The following CHTF18 variants were observed in gnomAD, a reference collection of about 807,000 sequenced individuals.
CHTF18 encodes the protein chromosome transmission fidelity protein 18 homolog.
CHTF18 carries 151 observed loss-of-function variants against 113.4 expected under a neutral mutation model. The ratio of observed to expected loss-of-function variants is 1.33; its 90% CI spans 1.17 to 1.52. The LOEUF is 1.52. Ranked by LOEUF, CHTF18 falls within the 40% of genes most tolerant of loss-of-function variation. The pLI is 0.00. For synonymous variants in CHTF18, 916 were observed against 598.8 expected (o/e 1.53, Z -7.74); for missense variants, 1,982 against 1,381.6 (o/e 1.43, Z -6.89).
In CHTF18 at chr16:789,036, C is replaced by A; in HGVS notation, c.197C>A (p.Ala66Asp). 1 of 1,538,396 alleles carries A rather than the reference C, an allele frequency of 6.5e-7. No homozygotes were observed. Residue 66 changes from alanine to aspartate, a missense_variant, in exon 2 of 22, where the codon GCC becomes GAC. Transcript: ENST00000262315. ...AGAGGGGACGCGGCCTCCAGTCCCGCCCCAGCCGCATCTGTGGGCAGCAGC... is the reference window on the plus strand; with the variant it reads ...AGAGGGGACGCGGCCTCCAGTCCCGACCCAGCCGCATCTGTGGGCAGCAGC... Reference protein sequence around the residue: ...LARGDAASSPAPAASVGSSQG... With the variant: ...LARGDAASSPDPAASVGSSQG...
At chr16:796,578 T>G (rs1596772599) in intron 18 of CHTF18, 139 bp from the exon 19 acceptor site, 1 of 1,005,262 alleles carries the variant, frequency 9.9e-7, no homozygotes, top group Admixed American at 3.2e-5. Context: ...AGGGTTGGGG[T>G]GCGGTGGCAC....
rs768683722 is a variant in CHTF18, at chr16:792,217, A to G, written c.1203-7A>G. On this transcript the variant is annotated splice_region_variant and splice_polypyrimidine_tract_variant and intron_variant, in intron 9 of 21. Transcript: ENST00000262315. ...TGCCCTGACGACCCCTGACCTCCCCATTGCAGTGACGACCGTAGCCCGGAG... is the reference window on the plus strand; with the variant it reads ...TGCCCTGACGACCCCTGACCTCCCCGTTGCAGTGACGACCGTAGCCCGGAG... The G allele has an allele frequency of 4.5e-6, 7 of 1,571,340 alleles. No homozygotes were observed. Among genetic ancestry groups the G allele is most frequent in the Non-Finnish European group, 3.5e-6 (4 of 1,159,244 alleles).
intron 8 of CHTF18, 48 bp downstream of exon 8, chr16:791,418 C>T (rs751328531): frequency 1.3e-6 from 2 of 1,532,176 alleles, no homozygotes; most frequent in Non-Finnish European, 1.8e-6. Flanking sequence ...AGGCTTTGCA[C>T]TCGGCGCCGG....
chr16:795,102 A>G (rs1234504536), intron 15 of CHTF18, 30 bp from the exon 16 acceptor site: 2 of 1,510,396 alleles, frequency 1.3e-6, no homozygotes, highest in Middle Eastern at 2.3e-4. Flanking sequence ...TGGGGTGGGC[A>G]GGAGCTCAGG....
rs1033025703 is a variant in CHTF18 at position 797,637 on chromosome 16, G to T, written c.2734-57G>T. 1.6e-5 allele frequency: 25 copies of T among 1,584,052 alleles called. No homozygotes were observed. The Admixed American group carries it at 2.8e-4, about 18-fold the overall frequency. On this transcript the variant is annotated intron_variant, in intron 20 of 21. Coordinates refer to ENST00000262315, the MANE Select transcript of CHTF18 (RefSeq NM_022092.3). Reference sequence around the variant, plus strand: ...AAGGCTCTCGGTCCTCCTGTCTTGGGTAGGGGCTGGATGGGGCATCTGTCC... The same window carrying T: ...AAGGCTCTCGGTCCTCCTGTCTTGGTTAGGGGCTGGATGGGGCATCTGTCC...
Position 792,284 on chromosome 16 carries a change from G to C in CHTF18, c.1263G>C (p.Ser421=), listed in dbSNP as rs747596236. 3.2e-6 allele frequency: 5 copies of C among 1,557,278 alleles called. No homozygotes were observed. Among genetic ancestry groups the C allele is most frequent in the Non-Finnish European group, 4.3e-6 (5 of 1,151,238 alleles). The change falls in exon 10 of 22, where the codon TCG becomes TCC. Residue 421 remains serine (S), a synonymous_variant. Transcript: ENST00000262315. ...TRIEAATQME[S]VLGAGGKPNC... Reference sequence around the variant, plus strand: ...TCGAGGCGGCCACCCAGATGGAGTCGGTGCTGGGTGCTGGCGGGAAGCCCA... The same window carrying C: ...TCGAGGCGGCCACCCAGATGGAGTCCGTGCTGGGTGCTGGCGGGAAGCCCA...
chr16:789,145 C>T lies in CHTF18; in HGVS notation c.286+20C>T. 1.3e-6 allele frequency: 2 copies of T among 1,549,360 alleles called. No individual in the cohort carries two copies. Among genetic ancestry groups the T allele is most frequent in the Non-Finnish European group, 1.7e-6 (2 of 1,146,758 alleles). On this transcript the variant is annotated intron_variant, in intron 2 of 21. Coordinates refer to ENST00000262315, the MANE Select transcript of CHTF18 (RefSeq NM_022092.3). Reference sequence around the variant, plus strand: ...CCCACGGTAGGTTGGCGGCATTGCCCCAGGGCCTCCGGAGTGGGCGCGAGG... The same window carrying T: ...CCCACGGTAGGTTGGCGGCATTGCCTCAGGGCCTCCGGAGTGGGCGCGAGG...
At position 795,715 on chromosome 16, in the gene CHTF18, C is replaced by A. The variant is rs1255079928; in HGVS notation, c.2206C>A (p.Leu736Met). 6.2e-7 allele frequency: 1 copy of A among 1,605,700 alleles called. No homozygotes were observed. The highest frequency in any genetic ancestry group is 8.5e-7 in the Non-Finnish European group (1 of 1,177,866). The change falls in exon 17 of 22, where the codon CTG (leucine) becomes ATG (methionine). Residue 736 changes from leucine (L) to methionine (M), a missense_variant. Coordinates refer to ENST00000262315, the MANE Select transcript of CHTF18 (RefSeq NM_022092.3). ...GAACCGGATGAGCCAGATGAGGAAC[C>A]TGATCCAGACGCTGGTGTCCGGCAT... ...AQNRMSQMRN[L>M]IQTLVSGIAP...
Position 798,014 on chromosome 16 carries a change from C to T in CHTF18, c.*39C>T, listed in dbSNP as rs757996880. The T allele has an allele frequency of 7.6e-6, 12 of 1,588,946 alleles. No individual in the cohort carries two copies. Among genetic ancestry groups the T allele is most frequent in the South Asian group, 3.4e-5 (3 of 88,372 alleles). ...GGACATGCCCTCGCATTGCTTCCCG[C>T]AGAGTGCAGAGACAGGAAGCTGGAG... On this transcript the variant is annotated 3_prime_UTR_variant, in exon 22 of 22. Transcript: ENST00000262315.
Position 789,626 on chromosome 16 carries a change from A to G in CHTF18, c.517A>G (p.Ile173Val), listed in dbSNP as rs190988018. 2.3e-4 allele frequency: 363 copies of G among 1,608,246 alleles called. 1 individual carries two copies. The highest frequency in any genetic ancestry group is 3.6e-5 in the Non-Finnish European group (42 of 1,179,732). Residue 173 changes from isoleucine to valine, a missense_variant, in exon 4 of 22, where the codon ATC (isoleucine) becomes GTC (valine). Coordinates refer to ENST00000262315, the MANE Select transcript of CHTF18 (RefSeq NM_022092.3). ...CAATCCCGTCCTGAGGCGGCCCCCC[A>G]TCTTGGAGGACTACGTCCACGTGAC... is the stretch of plus-strand genomic sequence containing the variant. The part of the protein sequence containing the change: ...ARNPVLRRPP[I>V]LEDYVHVTST...
At position 789,947 on chromosome 16, in the gene CHTF18, C is replaced by CT. The variant is rs1471892523; in HGVS notation, c.607-230_607-229insT. On this transcript the variant is annotated intron_variant, in intron 4 of 21. Transcript: ENST00000262315. ...CGGGTGGAGAGGGCCTCCTTGCTTC[C>CT]CCTCCTGCTTTTGCCCTTTCCTCCT... 10 of 1,511,622 alleles carry CT rather than the reference C, an allele frequency of 6.6e-6. No homozygotes were observed. In the Admixed American group the frequency reaches 1.0e-4, roughly 15 times the overall value. The allele number at this position is 1,511,622 out of a possible 1,614,324, so 93.6% of individuals were successfully genotyped here.
chr16:793,283 T>C lies in CHTF18; in HGVS notation c.1802+9T>C, dbSNP rs906330358. The C allele has an allele frequency of 1.2e-6, 2 of 1,604,986 alleles. No individual in the cohort carries two copies. The highest frequency in any genetic ancestry group is 2.2e-5 in the South Asian group (2 of 89,858). On this transcript the variant is annotated intron_variant, in intron 14 of 21. Coordinates refer to ENST00000262315, the MANE Select transcript of CHTF18 (RefSeq NM_022092.3). ...CTGCCTCGAGCCCAGAGGTAGGCGGTGGCCACAGCCTCGGCCCAGATGCTC... is the reference window on the plus strand; with the variant it reads ...CTGCCTCGAGCCCAGAGGTAGGCGGCGGCCACAGCCTCGGCCCAGATGCTC...
At chr16:793,950 A>G in intron 14 of CHTF18, 104 bp from the exon 15 acceptor site, 5 of 1,316,360 alleles carry the variant, frequency 3.8e-6, no homozygotes, top group Non-Finnish European at 5.3e-6. Context: ...AGAAGAATGA[A>G]GTGGGTGGCA....
At position 790,648 on chromosome 16, in the gene CHTF18, G is replaced by T. The variant is rs371334131; in HGVS notation, c.876G>T (p.Thr292=). ...WVDEFAPRHY[T]ELLSDDFTNR... is the part of the protein sequence containing the mutation. Reference sequence around the variant, plus strand: ...ATGAGTTTGCACCCCGCCACTACACGGAGCTGCTCAGTGATGACGTGAGGT... The same window carrying T: ...ATGAGTTTGCACCCCGCCACTACACTGAGCTGCTCAGTGATGACGTGAGGT... The change falls in exon 7 of 22, where the codon ACG becomes ACT. Residue 292 remains threonine, a synonymous_variant. Coordinates refer to ENST00000262315, the MANE Select transcript of CHTF18 (RefSeq NM_022092.3). The T allele has an allele frequency of 3.8e-6, 6 of 1,586,724 alleles. No individual in the cohort carries two copies. The highest frequency in any genetic ancestry group is 5.1e-6 in the Non-Finnish European group (6 of 1,171,308).
In CHTF18 at chr16:788,706, C is replaced by CT. The variant is rs1567386677; in HGVS notation, c.23dup (p.Cys9ValfsTer6). The CT allele has an allele frequency of 6.3e-7, 1 of 1,599,698 alleles. No homozygotes were observed. The highest frequency in any genetic ancestry group is 1.7e-5 in the Admixed American group (1 of 58,536). On this transcript the variant is annotated frameshift_variant, in exon 1 of 22. Coordinates refer to ENST00000262315, the MANE Select transcript of CHTF18 (RefSeq NM_022092.3). LOFTEE classifies it high-confidence loss of function. Reference sequence around the variant, plus strand: ...CGGTATGGAGGACTACGAGCAGGAGCTGTGCGGCGTCGAGGATGATTTCCA... The same window carrying CT: ...CGGTATGGAGGACTACGAGCAGGAGCTTGTGCGGCGTCGAGGATGATTTCCA...
chr16:791,438 A>C, intron 8 of CHTF18, 68 bp downstream of exon 8: 1 of 1,496,402 alleles, frequency 6.7e-7, no homozygotes, highest in East Asian at 2.5e-5. Context: ...GCACCCTTGC[A>C]GCCTGTTGAC....
At chr16:791,069 C>T (rs1361472449) in intron 7 of CHTF18, 92 bp from the exon 8 acceptor site, 9 of 1,513,768 alleles carry the variant, frequency 5.9e-6, no homozygotes, top group Non-Finnish European at 7.1e-6. Flanking sequence ...GCTTGGCATC[C>T]CATGGGGCAT....
chr16:793,529 G>A (rs1158601881), intron 14 of CHTF18: 2 of 594,246 alleles, frequency 3.4e-6, no homozygotes, highest in Non-Finnish European at 6.0e-6. Flanking sequence ...GGGCCTCCAG[G>A]GCGTCCCTCT....
chr16:795,490 G>A (rs1440090736), intron 16 of CHTF18, 134 bp downstream of exon 16: 7 of 168,342 alleles, frequency 4.2e-5, no homozygotes, highest in Non-Finnish European at 9.3e-6. Flanking sequence ...CCCCGTGCCC[G>A]CCCCCCCAAA....
Sources: gnomAD v4.1 joint callset for allele counts on GRCh38, gnomAD v4.1.1 for gene constraint, MANE v1.5 for transcripts, NCBI Gene and HGNC (gene_info 2026-07-23, HGNC 2026-07-21) for gene names.